SUPV3L1: variants seen among roughly 807,000 people sequenced by gnomAD.
SUPV3L1 encodes Suv3 like RNA helicase.
SUPV3L1 carries 35 observed loss-of-function variants against 70.0 expected under a neutral mutation model. The observed-to-expected ratio is 0.50, with a 90% CI of 0.38 to 0.66. SUPV3L1 has a LOEUF of 0.66. Ranked by LOEUF, SUPV3L1 falls within the 30% of genes least tolerant of loss-of-function variation. The pLI, the probability that SUPV3L1 is intolerant of heterozygous loss-of-function variation, is 0.00. For missense variants in SUPV3L1, 777 were observed against 961.5 expected, an observed-to-expected ratio of 0.81 and a Z score of 2.54; for synonymous variants, 364 against 341.9, an observed-to-expected ratio of 1.06 and a Z score of -0.71.
Position 69,202,882 on chromosome 10 carries a change from T to G in SUPV3L1, c.1615T>G (p.Phe539Val). 4 of 1,612,298 alleles carry G rather than the reference T, an allele frequency of 2.5e-6. No homozygotes were observed. The highest frequency in any genetic ancestry group is 3.4e-6 in the Non-Finnish European group (4 of 1,179,186). The change falls in exon 13 of 15, where the codon TTT becomes GTT. Residue 539 changes from phenylalanine to valine, a missense_variant. This residue lies in a region of SUPV3L1 where 619 missense variants were observed against 823.3 expected (regional missense o/e 0.75). Transcript: ENST00000359655. ...TTTCCCCAAGGATATTTTTGTAGAC[T>G]TTTCACAAGTTGATGGGCAGTATTT... is the stretch of plus-strand genomic sequence containing the variant. ...LSNLIDIFVD[F>V]SQVDGQYFVC...
intron 7 of SUPV3L1, among the ~76,000 whole-genome samples, chr10:69,196,504 GAA>G (rs570659205): frequency 7.4e-6 from 1 of 134,554 alleles, no homozygotes. Context: ...CTGTCTCATG[GAA>G]AAAAAAAAAA....
intron 11 of SUPV3L1, among the ~76,000 whole-genome samples, chr10:69,202,131 A>G (rs570887802): frequency 7.4e-4 from 113 of 152,264 alleles, no homozygotes; most frequent in African/African-American, 2.1e-3. Context: ...GAGCCACCAC[A>G]CCCAGCCCAT....
Position 69,185,893 on chromosome 10 carries a change from G to A in SUPV3L1, c.272-94G>A, listed in dbSNP as rs1009109772. On this transcript the variant is annotated intron_variant, in intron 1 of 14. Transcript: ENST00000359655. ...TAGTTCTTGCAACACTCATTAGACT[G>A]CTGCCTTTAGTGTTATTGCTTCAAG... is the stretch of plus-strand genomic sequence containing the variant. 5.6e-6 allele frequency: 5 copies of A among 886,606 alleles called. No homozygotes were observed. The African/African-American group carries it at 6.8e-5, about 12-fold the overall frequency. 54.9% of individuals were successfully genotyped at this position (886,606 alleles called of 1,614,324 possible). A position where few individuals can be genotyped will look rare whatever the true frequency, so the allele number is the denominator to read the frequency against.
At position 69,182,706 on chromosome 10, in the gene SUPV3L1, G is replaced by C. The variant is rs191676054; in HGVS notation, c.271+2144G>C. ...ATTGGTCCAGATGTTGAATTTACTA[G>C]AATGATTTTTCAGCATGGCAGGAGG... On this transcript the variant is annotated intron_variant, in intron 1 of 14. Transcript: ENST00000359655. 138 of 984,628 alleles carry C rather than the reference G, an allele frequency of 1.4e-4. 2 individuals carry two copies. In the African/African-American group the frequency reaches 2.2e-3, roughly 16 times the overall value. The allele number at this position is 984,628 out of a possible 1,614,324, so 61.0% of individuals were successfully genotyped here.
chr10:69,205,313 G>A (rs1256795898), intron 13 of SUPV3L1, among the ~76,000 whole-genome samples: 1 of 152,208 alleles, frequency 6.6e-6, no homozygotes, highest in Non-Finnish European at 1.5e-5. Flanking sequence ...CCTTTAAACA[G>A]CTATTCTAGT....
At chr10:69,195,782 G>T (rs886878633) in intron 7 of SUPV3L1, among the ~76,000 whole-genome samples, 8 of 152,184 alleles carry the variant, frequency 5.3e-5, no homozygotes, top group Admixed American at 3.3e-4. Flanking sequence ...TTGCTCTGAT[G>T]CCCAGGTTGG....
At chr10:69,205,659 G>A (rs532146989) in intron 13 of SUPV3L1, among the ~76,000 whole-genome samples, 3 of 152,198 alleles carry the variant, frequency 2.0e-5, no homozygotes, top group South Asian at 2.1e-4. Flanking sequence ...TCAGCCTCCC[G>A]AGTAGCTGGG....
chr10:69,195,348 A>C, intron 7 of SUPV3L1, 83 bp downstream of exon 7: 1 of 1,012,446 alleles, frequency 9.9e-7, no homozygotes, highest in Non-Finnish European at 1.4e-6. Flanking sequence ...ATTGCCAACC[A>C]AATAGAGTCA....
intron 13 of SUPV3L1, among the ~76,000 whole-genome samples, chr10:69,206,659 C>A (rs940691838): frequency 7.2e-5 from 11 of 152,300 alleles, no homozygotes; most frequent in African/African-American, 2.6e-4. Flanking sequence ...GGAGGCAGAT[C>A]CAAGATTGAC....
At chr10:69,195,135 T>G (rs1275911782) in intron 6 of SUPV3L1, 53 bp from the exon 7 acceptor site, 3 of 1,435,420 alleles carry the variant, frequency 2.1e-6, no homozygotes, top group Non-Finnish European at 2.9e-6. Context: ...GGAATTTGTT[T>G]ATAATACTAT....
chr10:69,198,697 A>T (rs1479016631), intron 9 of SUPV3L1, 145 bp downstream of exon 9: 2 of 745,518 alleles, frequency 2.7e-6, no homozygotes, highest in African/African-American at 1.8e-5. Flanking sequence ...TAAAATAAAT[A>T]ATTTTCTATT....
intron 9 of SUPV3L1, 89 bp downstream of exon 9, chr10:69,198,641 A>G: frequency 7.6e-7 from 1 of 1,309,660 alleles, no homozygotes; most frequent in Non-Finnish European, 1.1e-6. Flanking sequence ...GGTAAACAAT[A>G]TTGAATTAAG....
chr10:69,191,379 A>G (rs1387858885), intron 5 of SUPV3L1, among the ~76,000 whole-genome samples: 2 of 151,558 alleles, frequency 1.3e-5, no homozygotes, highest in Admixed American at 6.6e-5. Flanking sequence ...CAGGTGTGCA[A>G]CACCACTCCC....
At chr10:69,198,614 G>GAT (rs1190509897) in intron 9 of SUPV3L1, 62 bp downstream of exon 9, 1 of 1,495,668 alleles carries the variant, frequency 6.7e-7, no homozygotes, top group Non-Finnish European at 9.1e-7. Flanking sequence ...TTTATGTTGA[G>GAT]ATATATATAA....
Position 69,186,032 on chromosome 10 carries a change from T to G in SUPV3L1, c.317T>G (p.Ile106Ser). 6.2e-7 allele frequency: 1 copy of G among 1,613,914 alleles called. No individual in the cohort carries two copies. Among genetic ancestry groups the G allele is most frequent in the Non-Finnish European group, 8.5e-7 (1 of 1,179,930 alleles). The part of the protein sequence containing the change: ...VLDKFYKRKE[I>S]QKLGADYGLD... Reference sequence around the variant, plus strand: ...GACAAATTTTACAAGAGGAAAGAAATTCAGAAACTGGGTGCTGATTATGGA... The same window carrying G: ...GACAAATTTTACAAGAGGAAAGAAAGTCAGAAACTGGGTGCTGATTATGGA... The change falls in exon 2 of 15, where the codon ATT (isoleucine) becomes AGT (serine). Residue 106 changes from isoleucine (I) to serine (S), a missense_variant. Physicochemically the swap from Ile to Ser is moderately radical, Grantham distance 142. Coordinates refer to ENST00000359655, the MANE Select transcript of SUPV3L1 (RefSeq NM_003171.5).
At chr10:69,188,732 C>G (rs915344463) in intron 4 of SUPV3L1, among the ~76,000 whole-genome samples, 3 of 152,148 alleles carry the variant, frequency 2.0e-5, no homozygotes, top group Non-Finnish European at 4.4e-5. Context: ...CTCCTGACCT[C>G]AAGTGATCCT....
chr10:69,208,898 C>A lies in SUPV3L1; in HGVS notation c.2224C>A (p.Leu742Ile), dbSNP rs775642378. The A allele has an allele frequency of 6.2e-7, 1 of 1,614,064 alleles. No individual in the cohort carries two copies. Among genetic ancestry groups the A allele is most frequent in the African/African-American group, 1.3e-5 (1 of 74,998 alleles). ...TGCTTCCAGATTGGTGCAGCAAGGACTCCTCACTCCAGACATGCTGAAACA... is the reference window on the plus strand; with the variant it reads ...TGCTTCCAGATTGGTGCAGCAAGGAATCCTCACTCCAGACATGCTGAAACA... ...SLASRLVQQG[L>I]LTPDMLKQLE... Residue 742 changes from leucine to isoleucine, a missense_variant, in exon 15 of 15, where the codon CTC (leucine) becomes ATC (isoleucine). By Grantham distance (5) the Leu-to-Ile change is conservative (BLOSUM62 2). Coordinates refer to ENST00000359655, the MANE Select transcript of SUPV3L1 (RefSeq NM_003171.5).
At chr10:69,184,556 G>C (rs1842162379) in intron 1 of SUPV3L1, among the ~76,000 whole-genome samples, 1 of 150,944 alleles carries the variant, frequency 6.6e-6, no homozygotes, top group African/African-American at 2.4e-5. Flanking sequence ...AGAAACTGTT[G>C]TTCCTACCCG....
intron 13 of SUPV3L1, among the ~76,000 whole-genome samples, chr10:69,207,111 G>A (rs2132310707): frequency 6.6e-6 from 1 of 152,248 alleles, no homozygotes; most frequent in South Asian, 2.1e-4. Flanking sequence ...GAGTCTTCAG[G>A]TACTGTCTGT....
Sources: gnomAD v4.1 joint callset for allele counts (sites outside exome capture counted in the v4.1 genomes callset) on GRCh38, gnomAD v4.1.1 for gene constraint, gnomAD v4.1.1 regional missense constraint, MANE v1.5 for transcripts, NCBI Gene and HGNC (gene_info 2026-07-23, HGNC 2026-07-21) for gene names.